SEZ6L: variants seen among roughly 807,000 people sequenced by gnomAD.
SEZ6L encodes the protein seizure 6-like protein.
A neutral mutation model predicts 106.2 loss-of-function variants in SEZ6L; 37 were observed. That is an observed-to-expected ratio of 0.35 (90% confidence interval 0.27 to 0.46). SEZ6L has a LOEUF of 0.46. Ranked by LOEUF, SEZ6L falls within the 20% of genes least tolerant of loss-of-function variation. The pLI, the probability that SEZ6L is intolerant of heterozygous loss-of-function variation, is 1.00. For missense variants in SEZ6L, 1,172 were observed against 1,332.8 expected (o/e 0.88, Z 1.88); for synonymous variants, 541 against 570.4 (o/e 0.95, Z 0.73).
intron 1 of SEZ6L, among the ~76,000 whole-genome samples, chr22:26,277,320 C>A (rs1281951403): frequency 6.6e-6 from 1 of 152,108 alleles, no homozygotes; most frequent in Non-Finnish European, 1.5e-5. Flanking sequence ...GCTACAAGTC[C>A]CCCAAAGGCC....
intron 1 of SEZ6L, among the ~76,000 whole-genome samples, chr22:26,230,064 G>A (rs370232022): frequency 1.4e-4 from 21 of 152,220 alleles, no homozygotes; most frequent in South Asian, 6.2e-4. Context: ...CTGTGAAGAC[G>A]TCTGCTGTGT....
intron 1 of SEZ6L, among the ~76,000 whole-genome samples, chr22:26,266,466 G>C (rs896270109): frequency 1.3e-4 from 19 of 149,592 alleles, no homozygotes; most frequent in Admixed American, 4.0e-4. Flanking sequence ...CCAGCTACTC[G>C]GGAGGCTGAG....
chr22:26,266,376 C>G (rs113291426), intron 1 of SEZ6L, among the ~76,000 whole-genome samples: 125 of 147,270 alleles, frequency 8.5e-4, no homozygotes, highest in Non-Finnish European at 1.5e-4. Flanking sequence ...CTGGCTAACA[C>G]AGTGAAACCC....
At chr22:26,251,179 T>C (rs2079565223) in intron 1 of SEZ6L, among the ~76,000 whole-genome samples, 1 of 152,202 alleles carries the variant, frequency 6.6e-6, no homozygotes. Flanking sequence ...CAGCACTGTG[T>C]TTAATAGGAG....
intron 1 of SEZ6L, among the ~76,000 whole-genome samples, chr22:26,196,436 A>G (rs1357344777): frequency 6.6e-6 from 1 of 152,214 alleles, no homozygotes; most frequent in Non-Finnish European, 1.5e-5. Context: ...TGTCTGAGTA[A>G]GAACTAAGGC....
intron 1 of SEZ6L, among the ~76,000 whole-genome samples, chr22:26,259,460 A>G (rs1190227575): frequency 2.6e-5 from 4 of 152,204 alleles, no homozygotes; most frequent in Admixed American, 2.0e-4. Context: ...TTCCTTTTCA[A>G]CTCAGCCTAC....
chr22:26,201,144 T>C (rs1940919056), intron 1 of SEZ6L, among the ~76,000 whole-genome samples: 1 of 152,100 alleles, frequency 6.6e-6, no homozygotes, highest in South Asian at 2.1e-4. Flanking sequence ...AGAGAGAGCA[T>C]GTTTTATGCA....
intron 1 of SEZ6L, among the ~76,000 whole-genome samples, chr22:26,218,577 G>A (rs1451665176): frequency 6.6e-6 from 1 of 152,218 alleles, no homozygotes; most frequent in African/African-American, 2.4e-5. Context: ...TGAAGTGGGT[G>A]GATCACTTGA....
intron 16 of SEZ6L, among the ~76,000 whole-genome samples, 170 bp from the exon 17 acceptor site, chr22:26,380,096 G>A (rs1017541494): frequency 2.6e-5 from 4 of 152,198 alleles, no homozygotes; most frequent in Admixed American, 6.5e-5. Context: ...GCTGTTGTAC[G>A]CCATTTCCTT....
chr22:26,327,267 A>ACACACCACC (rs2082336228), intron 9 of SEZ6L, among the ~76,000 whole-genome samples: 2 of 144,702 alleles, frequency 1.4e-5, no homozygotes, highest in Non-Finnish European at 3.0e-5. Flanking sequence ...CCTCACACAC[A>ACACACCACC]CCACACACAC....
rs575877260 is a variant in SEZ6L, at chr22:26,365,549, C to T, written c.2777C>T (p.Pro926Leu). The T allele has an allele frequency of 6.2e-7, 1 of 1,613,658 alleles. No homozygotes were observed. Among genetic ancestry groups the T allele is most frequent in the East Asian group, 2.2e-5 (1 of 44,868 alleles). The change falls in exon 13 of 17, where the codon CCC (proline) becomes CTC (leucine). Residue 926 changes from proline (P) to leucine (L), a missense_variant. Coordinates refer to ENST00000248933, the MANE Select transcript of SEZ6L (RefSeq NM_021115.5). Reference sequence around the variant, plus strand: ...GGACAGCCATCCCACTGGAACGGGCCCCTGCCCGTGTGTAAAGGTAAAGAA... The same window carrying T: ...GGACAGCCATCCCACTGGAACGGGCTCCTGCCCGTGTGTAAAGGTAAAGAA... ...ILGQPSHWNG[P>L]LPVCKVNQDS...
intron 1 of SEZ6L, among the ~76,000 whole-genome samples, chr22:26,238,430 TCAAC>T (rs2079015061): frequency 6.6e-6 from 1 of 152,214 alleles, no homozygotes; most frequent in Non-Finnish European, 1.5e-5. Context: ...TGGCATTCAT[TCAAC>T]CACTCCTTCA....
At chr22:26,368,662 C>A (rs534250654) in intron 13 of SEZ6L, among the ~76,000 whole-genome samples, 4 of 152,126 alleles carry the variant, frequency 2.6e-5, no homozygotes, top group African/African-American at 9.6e-5. Context: ...GTCATGGTTG[C>A]GCACCATTGT....
chr22:26,376,599 T>G (rs774777531), intron 15 of SEZ6L, among the ~76,000 whole-genome samples: 1 of 151,948 alleles, frequency 6.6e-6, no homozygotes, highest in Non-Finnish European at 1.5e-5. Flanking sequence ...AAAAATAAAA[T>G]TAGCCTGGGC....
chr22:26,269,461 C>T (rs1184068641), intron 1 of SEZ6L, among the ~76,000 whole-genome samples: 1 of 152,068 alleles, frequency 6.6e-6, no homozygotes, highest in African/African-American at 2.4e-5. Flanking sequence ...CTAACACCAC[C>T]CCAGGTCAAG....
chr22:26,340,458 A>C lies in SEZ6L; in HGVS notation c.2038A>C (p.Ile680Leu), dbSNP rs750921218. The change falls in exon 10 of 17, where the codon ATC becomes CTC. Residue 680 changes from isoleucine (I) to leucine (L), a missense_variant. By Grantham distance (5) the Ile-to-Leu change is conservative (BLOSUM62 2). This residue lies in a region of SEZ6L where 534 missense variants were observed against 691.0 expected (regional missense o/e 0.77). Coordinates refer to ENST00000248933, the MANE Select transcript of SEZ6L (RefSeq NM_021115.5). ...AAGCCTGAATCTGAGCAACAGTGAC[A>C]TCTTGACCATCTACGATGGCGACGA... Reference protein sequence around the residue: ...IQFLNLSNSDILTIYDGDEVM... With the variant: ...IQFLNLSNSDLLTIYDGDEVM... 4 of 1,613,714 alleles carry C rather than the reference A, an allele frequency of 2.5e-6. No individual in the cohort carries two copies. The South Asian group carries it at 4.4e-5, about 18-fold the overall frequency.
chr22:26,254,672 T>A (rs2079744994), intron 1 of SEZ6L, among the ~76,000 whole-genome samples: 1 of 152,118 alleles, frequency 6.6e-6, no homozygotes, highest in South Asian at 2.1e-4. Flanking sequence ...GAGCATTTGG[T>A]GAGTGCTCTA....
At chr22:26,272,406 A>G (rs1427474032) in intron 1 of SEZ6L, among the ~76,000 whole-genome samples, 1 of 152,226 alleles carries the variant, frequency 6.6e-6, no homozygotes, top group Non-Finnish European at 1.5e-5. Flanking sequence ...GTTGGACCCC[A>G]AACACTTGGT....
At chr22:26,227,976 G>A (rs2078685371) in intron 1 of SEZ6L, among the ~76,000 whole-genome samples, 1 of 152,196 alleles carries the variant, frequency 6.6e-6, no homozygotes, top group South Asian at 2.1e-4. Context: ...TGGAGGAAGG[G>A]GCAAAATAAT....
Sources: gnomAD v4.1 joint callset for allele counts (sites outside exome capture counted in the v4.1 genomes callset) on GRCh38, gnomAD v4.1.1 for gene constraint, gnomAD v4.1.1 regional missense constraint, MANE v1.5 for transcripts, NCBI Gene and HGNC (gene_info 2026-07-23, HGNC 2026-07-21) for gene names.